Variants in SLC9A9 observed in about 807,000 individuals in gnomAD.
SLC9A9 encodes the protein solute carrier family 9 member A9, also known as sodium/hydrogen exchanger 9.
SLC9A9 carries 62 observed loss-of-function variants against 77.8 expected under a neutral mutation model. That is an observed-to-expected ratio of 0.80 (90% CI 0.65 to 0.98). The LOEUF (loss-of-function observed/expected upper bound fraction) is 0.98, where lower values mean the gene tolerates loss of function less well. SLC9A9 is among the 50% of genes least tolerant of loss of function. The pLI, the probability that SLC9A9 is intolerant of heterozygous loss-of-function variation, is 0.00. For synonymous variants in SLC9A9, 320 were observed against 283.5 expected, an observed-to-expected ratio of 1.13 and a Z score of -1.29; for missense variants, 775 against 774.9, an observed-to-expected ratio of 1.00 and a Z score of 0.00.
At chr3:143,767,301 T>C (rs1375590567) in intron 4 of SLC9A9, among the ~76,000 whole-genome samples, 1 of 152,074 alleles carries the variant, frequency 6.6e-6, no homozygotes, top group African/African-American at 2.4e-5. Context: ...TATTTACCCC[T>C]TCCCTATCAT....
intron 2 of SLC9A9, among the ~76,000 whole-genome samples, chr3:143,797,542 A>C (rs1474361373): frequency 1.3e-5 from 2 of 152,260 alleles, no homozygotes; most frequent in South Asian, 4.1e-4. Context: ...AGAAGTGAAA[A>C]TGGCCGGTTC....
At chr3:143,722,298 C>T (rs993476735) in intron 4 of SLC9A9, among the ~76,000 whole-genome samples, 5 of 151,748 alleles carry the variant, frequency 3.3e-5, no homozygotes, top group African/African-American at 1.2e-4. Context: ...GCGGTGAAAC[C>T]CCATCTCTAC....
intron 12 of SLC9A9, among the ~76,000 whole-genome samples, chr3:143,405,843 C>T (rs2033965657): frequency 6.6e-6 from 1 of 152,192 alleles, no homozygotes; most frequent in Non-Finnish European, 1.5e-5. Context: ...ATGTCACAAA[C>T]TTGACATTCT....
chr3:143,644,054 T>A (rs2038664577), intron 6 of SLC9A9, among the ~76,000 whole-genome samples: 1 of 151,032 alleles, frequency 6.6e-6, no homozygotes, highest in Admixed American at 6.6e-5. Context: ...ATCTGCACCA[T>A]GAAAGAATGA....
intron 9 of SLC9A9, among the ~76,000 whole-genome samples, chr3:143,542,571 A>G (rs953822081): frequency 1.3e-5 from 2 of 152,216 alleles, no homozygotes; most frequent in South Asian, 4.1e-4. Flanking sequence ...TAAGGCATGG[A>G]CACACTGCAG....
intron 6 of SLC9A9, among the ~76,000 whole-genome samples, chr3:143,650,916 G>A (rs1452744683): frequency 6.6e-6 from 1 of 152,174 alleles, no homozygotes; most frequent in Non-Finnish European, 1.5e-5. Context: ...CATTTTTAAT[G>A]GAAAACTACT....
chr3:143,280,080 C>T (rs903254455), intron 14 of SLC9A9, among the ~76,000 whole-genome samples: 1 of 152,200 alleles, frequency 6.6e-6, no homozygotes, highest in Non-Finnish European at 1.5e-5. Context: ...CTTAGCCTCC[C>T]AAGGTGCTGG....
intron 12 of SLC9A9, among the ~76,000 whole-genome samples, chr3:143,414,961 AACACACC>A (rs2034165524): frequency 1.3e-5 from 2 of 152,244 alleles, no homozygotes; most frequent in Non-Finnish European, 2.9e-5. Context: ...TACTCCTGGG[AACACACC>A]GATGGCAAGA....
rs149467259 is a variant in SLC9A9 at position 143,390,604 on chromosome 3, C to A, written c.1470-8490G>T. ...ACTGGGGCTTGTCGGACAGGGGGTG[C>A]AGGACAGTGGGTGCAGCACACCGAG... On this transcript the variant is annotated intron_variant, in intron 12 of 15. Transcript: ENST00000316549. Among the ~76,000 whole-genome samples, 646 of 152,258 alleles carry A rather than the reference C, an allele frequency of 4.2e-3. 4 individuals are homozygous for A. The highest frequency in any genetic ancestry group is 0.015 in the African/African-American group (615 of 41,546).
chr3:143,278,466 G>C (rs1938118064), intron 14 of SLC9A9, among the ~76,000 whole-genome samples: 1 of 152,204 alleles, frequency 6.6e-6, no homozygotes, highest in Non-Finnish European at 1.5e-5. Context: ...CCATAACAAA[G>C]TACACAAACT....
chr3:143,361,695 T>G (rs2032757855), intron 14 of SLC9A9, among the ~76,000 whole-genome samples: 1 of 152,094 alleles, frequency 6.6e-6, no homozygotes, highest in Non-Finnish European at 1.5e-5. Context: ...TGACTGAGAG[T>G]GTAAATCTGC....
intron 14 of SLC9A9, among the ~76,000 whole-genome samples, chr3:143,339,467 G>A (rs1344370343): frequency 6.6e-6 from 1 of 152,052 alleles, no homozygotes; most frequent in African/African-American, 2.4e-5. Flanking sequence ...ATCCCAGGCT[G>A]CTCATTTCTT....
intron 13 of SLC9A9, among the ~76,000 whole-genome samples, chr3:143,380,939 G>C (rs557415420): frequency 6.6e-6 from 1 of 152,080 alleles, no homozygotes; most frequent in African/African-American, 2.4e-5. Flanking sequence ...ATACAAATAC[G>C]CTCATAACAC....
intron 8 of SLC9A9, among the ~76,000 whole-genome samples, chr3:143,562,164 T>G (rs1443933684): frequency 2.0e-5 from 3 of 152,234 alleles, no homozygotes; most frequent in Non-Finnish European, 4.4e-5. Flanking sequence ...GGCCTAGGCC[T>G]CAAGCAGCTT....
At chr3:143,526,552 A>G (rs929358742) in intron 9 of SLC9A9, among the ~76,000 whole-genome samples, 1 of 152,006 alleles carries the variant, frequency 6.6e-6, no homozygotes, top group Non-Finnish European at 1.5e-5. Flanking sequence ...CTGTCCCCCA[A>G]ATTGTCCCTG....
At chr3:143,335,358 G>A (rs796326391) in intron 14 of SLC9A9, among the ~76,000 whole-genome samples, 4 of 152,184 alleles carry the variant, frequency 2.6e-5, no homozygotes, top group African/African-American at 9.6e-5. Flanking sequence ...CCAAAATGAT[G>A]TATAGATTCA....
chr3:143,568,102 A>G (rs1467528356), intron 8 of SLC9A9, among the ~76,000 whole-genome samples: 1 of 152,184 alleles, frequency 6.6e-6, no homozygotes, highest in Non-Finnish European at 1.5e-5. Context: ...AGGAAGTGTG[A>G]TAGCTCTTAG....
chr3:143,694,273 T>C (rs925710017), intron 4 of SLC9A9, among the ~76,000 whole-genome samples: 4 of 152,132 alleles, frequency 2.6e-5, no homozygotes, highest in African/African-American at 9.7e-5. Flanking sequence ...TAAAAAAAAG[T>C]ATCACTATGA....
chr3:143,483,796 G>T (rs1195587938), intron 11 of SLC9A9, among the ~76,000 whole-genome samples: 1 of 152,082 alleles, frequency 6.6e-6, no homozygotes, highest in Non-Finnish European at 1.5e-5. Flanking sequence ...TATGGTAGGT[G>T]TCACTGACCA....
Sources: gnomAD v4.1 joint callset for allele counts (sites outside exome capture counted in the v4.1 genomes callset) on GRCh38, gnomAD v4.1.1 for gene constraint, MANE v1.5 for transcripts, NCBI Gene and HGNC (gene_info 2026-07-23, HGNC 2026-07-21) for gene names.